The following UGT1A9 variants were observed in gnomAD, a reference collection of about 807,000 sequenced individuals.
UGT1A9 encodes the protein UDP-glucuronosyltransferase 1A9.
In UGT1A9, 35 loss-of-function variants were observed where a neutral mutation model predicts 45.0. The observed-to-expected ratio is 0.78, with a 90% CI of 0.59 to 1.03. UGT1A9 has a LOEUF of 1.03. UGT1A9 is among the 50% of genes least tolerant of loss of function. The pLI is 0.00. For synonymous variants in UGT1A9, 278 were observed against 250.6 expected (o/e 1.11, Z -1.03); for missense variants, 687 against 666.6 (o/e 1.03, Z -0.34).
At chr2:233,714,782 C>T (rs1312718757) in intron 1 of UGT1A9, among the ~76,000 whole-genome samples, 1 of 152,114 alleles carries the variant, frequency 6.6e-6, no homozygotes, top group Non-Finnish European at 1.5e-5. Flanking sequence ...TTGGAATAGC[C>T]ACATTTCAAG....
intron 1 of UGT1A9, chr2:233,719,202 T>G (rs764611570): frequency 6.2e-7 from 1 of 1,614,218 alleles, no homozygotes; most frequent in South Asian, 1.1e-5. Flanking sequence ...TCATAGGTGT[T>G]GTGTGGAGCT....
At chr2:233,676,373 C>A (rs1293259047) in intron 1 of UGT1A9, among the ~76,000 whole-genome samples, 1 of 152,192 alleles carries the variant, frequency 6.6e-6, no homozygotes, top group Non-Finnish European at 1.5e-5. Flanking sequence ...AGCAAGGTTA[C>A]AACAAATAGT....
chr2:233,721,853 G>A, intron 1 of UGT1A9: 2 of 512,954 alleles, frequency 3.9e-6, no homozygotes, highest in South Asian at 2.8e-5. Flanking sequence ...CAGCCCCACT[G>A]CTCGGCCCTG....
chr2:233,755,461 C>T, intron 1 of UGT1A9: 1 of 282,900 alleles, frequency 3.5e-6, no homozygotes, highest in Non-Finnish European at 6.9e-6. Context: ...ACTGGCCCTG[C>T]TCTCTGTGAG....
chr2:233,766,445 C>A (rs1699154824), intron 1 of UGT1A9, among the ~76,000 whole-genome samples: 1 of 152,174 alleles, frequency 6.6e-6, no homozygotes, highest in African/African-American at 2.4e-5. Flanking sequence ...TGTGTGTCTG[C>A]CTGCTAGGGT....
intron 1 of UGT1A9, among the ~76,000 whole-genome samples, chr2:233,698,201 C>A (rs1027505391): frequency 6.6e-6 from 1 of 152,102 alleles, no homozygotes; most frequent in African/African-American, 2.4e-5. Context: ...TATCAACATG[C>A]ACTTTTAATT....
chr2:233,712,950 C>A (rs2076262788), intron 1 of UGT1A9: 1 of 1,612,726 alleles, frequency 6.2e-7, no homozygotes, highest in South Asian at 1.1e-5. Context: ...CTAGGAGGCA[C>A]AACGTGGGGT....
intron 1 of UGT1A9, among the ~76,000 whole-genome samples, chr2:233,749,475 A>G (rs1280594340): frequency 1.3e-5 from 2 of 151,882 alleles, no homozygotes; most frequent in Non-Finnish European, 2.9e-5. Flanking sequence ...TGTGGCACAG[A>G]TCACTCTTGC....
intron 1 of UGT1A9, chr2:233,755,173 C>T (rs541147048): frequency 7.2e-6 from 9 of 1,248,952 alleles, no homozygotes; most frequent in Non-Finnish European, 9.8e-6. Flanking sequence ...GGGTTTTTGT[C>T]GGGGTGCCAC....
rs1171527500 is a variant in UGT1A9, at chr2:233,760,898, T to C, written c.856-6136T>C. 2 of 1,613,998 alleles carry C rather than the reference T, an allele frequency of 1.2e-6. No homozygotes were observed. Among genetic ancestry groups the C allele is most frequent in the Non-Finnish European group, 1.7e-6 (2 of 1,180,014 alleles). On this transcript the variant is annotated intron_variant, in intron 1 of 4. Transcript: ENST00000354728. ...CCTCTCTCCTCTCATTCAGATCACA[T>C]GACCTTCCTGCAGCGGGTGAAGAAC...
intron 1 of UGT1A9, among the ~76,000 whole-genome samples, chr2:233,684,836 ATGGACACTGTATAG>A (rs1351698421): frequency 6.6e-6 from 1 of 152,246 alleles, no homozygotes; most frequent in Non-Finnish European, 1.5e-5. Flanking sequence ...AGAAAAATTT[ATGGACACTGTATAG>A]TGTTCCTTTC....
In UGT1A9 at chr2:233,672,748, A is replaced by C; in HGVS notation, c.814A>C (p.Ile272Leu). 1.2e-6 allele frequency: 2 copies of C among 1,613,850 alleles called. No homozygotes were observed. The highest frequency in any genetic ancestry group is 1.7e-6 in the Non-Finnish European group (2 of 1,179,814). ...ACCCGTGATGCCCAACATGATCTTC[A>C]TTGGTGGTATCAACTGCCATCAGGG... ...PKPVMPNMIFIGGINCHQGKP... is the reference protein window; with the variant it reads ...PKPVMPNMIFLGGINCHQGKP... The change falls in exon 1 of 5, where the codon ATT (isoleucine) becomes CTT (leucine). Residue 272 changes from isoleucine (I) to leucine (L), a missense_variant. By Grantham distance (5) the Ile-to-Leu change is conservative (BLOSUM62 2). Transcript: ENST00000354728.
intron 2 of UGT1A9, among the ~76,000 whole-genome samples, 197 bp downstream of exon 2, chr2:233,767,362 A>G (rs916672959): frequency 6.6e-6 from 1 of 152,144 alleles, no homozygotes; most frequent in Non-Finnish European, 1.5e-5. Context: ...CAAATACTCT[A>G]TTAAACTATG....
chr2:233,689,879 G>A (rs1344729822), intron 1 of UGT1A9: 1 of 456,572 alleles, frequency 2.2e-6, no homozygotes, highest in South Asian at 1.5e-5. Context: ...TGCTTATCAA[G>A]TGCCTTATTT....
At chr2:233,697,703 A>G (rs1225043788) in intron 1 of UGT1A9, among the ~76,000 whole-genome samples, 2 of 151,894 alleles carry the variant, frequency 1.3e-5, no homozygotes, top group South Asian at 2.1e-4. Context: ...GGATGTAGGC[A>G]TTTATTGTTA....
intron 1 of UGT1A9, chr2:233,691,061 T>C: frequency 1.0e-6 from 1 of 986,864 alleles, no homozygotes; most frequent in Non-Finnish European, 1.2e-6. Flanking sequence ...GGAGGTCTAG[T>C]ATAAAGAATG....
chr2:233,709,725 T>C (rs941884651), intron 1 of UGT1A9, among the ~76,000 whole-genome samples: 1 of 152,208 alleles, frequency 6.6e-6, no homozygotes, highest in Non-Finnish European at 1.5e-5. Context: ...TGATATGTTT[T>C]CAATTGATAC....
chr2:233,760,827 A>G lies in UGT1A9; in HGVS notation c.856-6207A>G, dbSNP rs148755655. ...TGCATGCACTGCCATGCAGCCTGGA[A>G]TTTGAGGCTACCCAGTGCCCCAACC... On this transcript the variant is annotated intron_variant, in intron 1 of 4. Transcript: ENST00000354728. 4,073 of 1,613,502 alleles carry G rather than the reference A, an allele frequency of 2.5e-3. 8 individuals carry two copies. The highest frequency in any genetic ancestry group is 3.2e-3 in the Non-Finnish European group (3,736 of 1,179,512).
Position 233,730,160 on chromosome 2 carries a change from G to A in UGT1A9, c.856-36874G>A, listed in dbSNP as rs546399055. 7.2e-5 allele frequency among the ~76,000 whole-genome samples: 11 copies of A among 152,316 alleles called. No homozygotes were observed. The East Asian group carries it at 1.7e-3, about 24-fold the overall frequency. On this transcript the variant is annotated intron_variant, in intron 1 of 4. Coordinates refer to ENST00000354728, the MANE Select transcript of UGT1A9 (RefSeq NM_021027.3). ...GAGATAAACTGTTAAGGGGTCTCTA[G>A]TAGCGTATTTCAGGTTTTAAATGGT...
Sources: gnomAD v4.1 joint callset for allele counts (sites outside exome capture counted in the v4.1 genomes callset) on GRCh38, gnomAD v4.1.1 for gene constraint, MANE v1.5 for transcripts, NCBI Gene and HGNC (gene_info 2026-07-23, HGNC 2026-07-21) for gene names.